The following GABPB2 variants were observed in gnomAD, a reference collection of about 807,000 sequenced individuals.
GABPB2 encodes GA binding protein transcription factor subunit beta 2, also known as GA-binding protein subunit beta-2.
GABPB2 carries 23 observed loss-of-function variants against 39.1 expected under a neutral mutation model. That is an observed-to-expected ratio of 0.59 (90% CI 0.42 to 0.83). The LOEUF (loss-of-function observed/expected upper bound fraction) is 0.83, where lower values mean the gene tolerates loss of function less well. Ranked by LOEUF, GABPB2 falls within the 40% of genes least tolerant of loss-of-function variation. The probability of loss-of-function intolerance (pLI) is 0.00; values close to 1 mark genes in which losing one functional copy is unlikely to be tolerated. For missense variants in GABPB2, 467 were observed against 541.1 expected (o/e 0.86, Z 1.36); for synonymous variants, 184 against 199.3 (o/e 0.92, Z 0.65).
intron 1 of GABPB2, among the ~76,000 whole-genome samples, chr1:151,081,673 C>G (rs1362665906): frequency 6.6e-6 from 1 of 151,624 alleles, no homozygotes; most frequent in Non-Finnish European, 1.5e-5. Flanking sequence ...CTCGCTCTGT[C>G]ACCCATGCTG....
At chr1:151,116,295 G>T (rs587753792) in intron 7 of GABPB2, among the ~76,000 whole-genome samples, 1 of 151,896 alleles carries the variant, frequency 6.6e-6, no homozygotes, top group African/African-American at 2.4e-5. Context: ...GGAGGCTGAG[G>T]CAGGAGATCA....
intron 1 of GABPB2, among the ~76,000 whole-genome samples, chr1:151,080,819 G>A (rs1677617610): frequency 6.7e-6 from 1 of 149,090 alleles, no homozygotes; most frequent in African/African-American, 2.4e-5. Flanking sequence ...TTGCGCCACT[G>A]CACTCCAGCC....
intron 1 of GABPB2, among the ~76,000 whole-genome samples, chr1:151,082,325 C>G (rs1264723708): frequency 1.3e-5 from 2 of 149,840 alleles, no homozygotes; most frequent in Non-Finnish European, 3.0e-5. Flanking sequence ...GATCCACCCG[C>G]TTTGGCCTCC....
chr1:151,075,286 C>G (rs993974524), intron 1 of GABPB2, among the ~76,000 whole-genome samples: 4 of 151,716 alleles, frequency 2.6e-5, no homozygotes, highest in African/African-American at 9.7e-5. Context: ...AAAAATTGGC[C>G]GGGCACGGTG....
chr1:151,109,315 TATAC>T lies in GABPB2; in HGVS notation c.922+2095_922+2098del, dbSNP rs1454524948. Among the ~76,000 whole-genome samples, 93 of 145,734 alleles carry T rather than the reference TATAC, an allele frequency of 6.4e-4. No homozygotes were observed. In the East Asian group the frequency reaches 0.017, roughly 27 times the overall value. On this transcript the variant is annotated intron_variant, in intron 7 of 8. Coordinates refer to ENST00000368918, the MANE Select transcript of GABPB2 (RefSeq NM_144618.3). The stretch of plus-strand genomic sequence containing the variant: ...GTGGGGATTTATATATATATATATA[TATAC>T]ACACAAATATATATATATACACAAA...
At position 151,117,383 on chromosome 1, in the gene GABPB2, G is replaced by A; in HGVS notation, c.923-9G>A. On this transcript the variant is annotated splice_polypyrimidine_tract_variant and intron_variant, in intron 7 of 8. Coordinates refer to ENST00000368918, the MANE Select transcript of GABPB2 (RefSeq NM_144618.3). ...TCATCACCTCCAATTGGTGTCCTTT[G>A]ACTTGTAGTTCTAACTGTACCTGCT... 1 of 1,612,932 alleles carries A rather than the reference G, an allele frequency of 6.2e-7. No individual in the cohort carries two copies. Among genetic ancestry groups the A allele is most frequent in the Non-Finnish European group, 8.5e-7 (1 of 1,179,394 alleles).
In GABPB2 at chr1:151,121,975, A is replaced by T. The variant is rs1681199846; in HGVS notation, c.*3719A>T. ...AATATGGTTTTCTTAATTAGCAGTCATGGGGAAAACATGCATTTTTAATTT... is the reference window on the plus strand; with the variant it reads ...AATATGGTTTTCTTAATTAGCAGTCTTGGGGAAAACATGCATTTTTAATTT... On this transcript the variant is annotated 3_prime_UTR_variant, in exon 9 of 9. Transcript: ENST00000368918. 6.6e-6 allele frequency: 1 copy of T among 152,200 alleles called. No homozygotes were observed. Among genetic ancestry groups the T allele is most frequent in the African/African-American group, 2.4e-5 (1 of 41,452 alleles). The allele number at this position is 152,200 out of a possible 1,614,324, so 9.4% of individuals were successfully genotyped here.
intron 5 of GABPB2, among the ~76,000 whole-genome samples, 163 bp downstream of exon 5, chr1:151,098,165 G>A (rs587637546): frequency 6.6e-6 from 1 of 152,266 alleles, no homozygotes; most frequent in African/African-American, 2.4e-5. Context: ...TATTCTTTCT[G>A]GGGAAGGGAA....
At chr1:151,108,523 A>C (rs2101551672) in intron 7 of GABPB2, among the ~76,000 whole-genome samples, 1 of 151,896 alleles carries the variant, frequency 6.6e-6, no homozygotes, top group South Asian at 2.1e-4. Context: ...TGTGTGTGTA[A>C]CTGGGTCTTG....
In GABPB2 at chr1:151,118,803, C is replaced by CT. The variant is rs61358666; in HGVS notation, c.*564dup. 0.03 allele frequency: 4,290 copies of CT among 142,468 alleles called. 96 individuals are homozygous for CT. The highest frequency in any genetic ancestry group is 0.064 in the African/African-American group (2,453 of 38,408). 8.8% of individuals were successfully genotyped at this position (142,468 alleles called of 1,614,324 possible). A position where few individuals can be genotyped will look rare whatever the true frequency, so the allele number is the denominator to read the frequency against. ...TTAATTTCACTGAAGAGAATTTTCC[C>CT]TTTTTTTTTTTTTTTTTGAGACACG... On this transcript the variant is annotated 3_prime_UTR_variant, in exon 9 of 9. Coordinates refer to ENST00000368918, the MANE Select transcript of GABPB2 (RefSeq NM_144618.3).
intron 1 of GABPB2, among the ~76,000 whole-genome samples, chr1:151,078,534 A>C (rs1328957202): frequency 1.3e-5 from 2 of 151,874 alleles, no homozygotes; most frequent in Non-Finnish European, 2.9e-5. Context: ...CGGAGCTTGC[A>C]GTGAGCCGAG....
chr1:151,116,071 C>G (rs1041863556), intron 7 of GABPB2, among the ~76,000 whole-genome samples: 9 of 151,426 alleles, frequency 5.9e-5, no homozygotes, highest in African/African-American at 2.2e-4. Flanking sequence ...CCACTGCACT[C>G]CAGCCTAGGT....
chr1:151,101,108 C>A (rs1231620268), intron 5 of GABPB2, among the ~76,000 whole-genome samples: 1 of 151,096 alleles, frequency 6.6e-6, no homozygotes, highest in Non-Finnish European at 1.5e-5. Flanking sequence ...AAAAAATTAG[C>A]CAGGCATGGT....
chr1:151,120,329 ACT>A lies in GABPB2; in HGVS notation c.*2076_*2077del, dbSNP rs1179040999. 1 of 152,128 alleles carries A rather than the reference ACT, an allele frequency of 6.6e-6. No individual in the cohort carries two copies. The highest frequency in any genetic ancestry group is 1.5e-5 in the Non-Finnish European group (1 of 68,130). 9.4% of individuals were successfully genotyped at this position (152,128 alleles called of 1,614,324 possible). A position where few individuals can be genotyped will look rare whatever the true frequency, so the allele number is the denominator to read the frequency against. On this transcript the variant is annotated 3_prime_UTR_variant, in exon 9 of 9. Transcript: ENST00000368918. ...ACTCCAGCCTGGGCGATAGAGTGAG[ACT>A]CTGTCTCAAACAAACAAAACAAAAC...
At chr1:151,102,915 A>G (rs1048370005) in intron 5 of GABPB2, among the ~76,000 whole-genome samples, 1 of 152,110 alleles carries the variant, frequency 6.6e-6, no homozygotes, top group Non-Finnish European at 1.5e-5. Flanking sequence ...CCTGCTGCCA[A>G]GGAGAGCTCT....
Position 151,120,571 on chromosome 1 carries a change from T to C in GABPB2, c.*2315T>C, listed in dbSNP as rs1000807975. ...GGGAGGAGTATATATAAAACCAAAA[T>C]CCAGGCTGTGTTTCCACAGTGCTGG... On this transcript the variant is annotated 3_prime_UTR_variant, in exon 9 of 9. Coordinates refer to ENST00000368918, the MANE Select transcript of GABPB2 (RefSeq NM_144618.3). 3.3e-5 allele frequency: 5 copies of C among 151,786 alleles called. No homozygotes were observed. The highest frequency in any genetic ancestry group is 7.4e-5 in the Non-Finnish European group (5 of 67,974). The allele number at this position is 151,786 out of a possible 1,614,324, so 9.4% of individuals were successfully genotyped here.
chr1:151,088,449 G>T (rs1004079087), intron 2 of GABPB2, 152 bp downstream of exon 2: 7 of 1,375,258 alleles, frequency 5.1e-6, no homozygotes, highest in Non-Finnish European at 6.9e-6. Context: ...ATCTGAATAT[G>T]TGGTTTTCTT....
chr1:151,108,096 G>C (rs1014919973), intron 7 of GABPB2, among the ~76,000 whole-genome samples: 2 of 152,136 alleles, frequency 1.3e-5, no homozygotes, highest in Admixed American at 6.6e-5. Flanking sequence ...GCACATTAAT[G>C]GATCCTCTAA....
chr1:151,109,298 T>TTATATATA (rs33932552), intron 7 of GABPB2, among the ~76,000 whole-genome samples: 10 of 139,496 alleles, frequency 7.2e-5, no homozygotes, highest in Admixed American at 2.2e-4. Context: ...TTGTGGGGAT[T>TTATATATA]TATATATATA....
Sources: gnomAD v4.1 joint callset for allele counts (sites outside exome capture counted in the v4.1 genomes callset) on GRCh38, gnomAD v4.1.1 for gene constraint, MANE v1.5 for transcripts, NCBI Gene and HGNC (gene_info 2026-07-23, HGNC 2026-07-21) for gene names.